Variants in CREB5 observed in about 807,000 individuals in gnomAD.
CREB5 encodes cAMP responsive element binding protein 5, also known as cyclic AMP-responsive element-binding protein 5.
Under a neutral mutation model 57.1 loss-of-function variants are expected in CREB5, and 19 were observed. The ratio of observed to expected loss-of-function variants is 0.33; its 90% CI spans 0.23 to 0.49. CREB5 has a LOEUF of 0.49. Among genes scored for constraint, CREB5 ranks in the 20% least tolerant of loss-of-function variants. The pLI is 0.99. For missense variants in CREB5, 579 were observed against 671.6 expected (o/e 0.86, Z 1.52); for synonymous variants, 238 against 238.3 (o/e 1.00, Z 0.01).
chr7:28,739,590 C>T (rs1804221605), intron 7 of CREB5, among the ~76,000 whole-genome samples: 1 of 152,202 alleles, frequency 6.6e-6, no homozygotes, highest in African/African-American at 2.4e-5. Context: ...AAAGAACTTA[C>T]ATTTTTATGG....
Position 28,488,257 on chromosome 7 carries a change from G to T in CREB5, c.75+11G>T. 6.2e-7 allele frequency: 1 copy of T among 1,612,894 alleles called. No homozygotes were observed. The highest frequency in any genetic ancestry group is 8.5e-7 in the Non-Finnish European group (1 of 1,179,388). On this transcript the variant is annotated intron_variant, in intron 2 of 10. Transcript: ENST00000357727. ...CCAGGCTGCTCCCAGGTGAGTGTGC[G>T]GATCCTCCCTGCTCTGACATGCAGG...
At chr7:28,557,993 G>A (rs1202635883) in intron 4 of CREB5, among the ~76,000 whole-genome samples, 1 of 152,222 alleles carries the variant, frequency 6.6e-6, no homozygotes, top group Admixed American at 6.5e-5. Context: ...AATTGATGAA[G>A]TTTGCTTTCA....
chr7:28,790,428 A>AAGAGAGAGAGAGAGAGAGAGAGAGAG (rs370615013), intron 7 of CREB5, among the ~76,000 whole-genome samples: 2 of 115,696 alleles, frequency 1.7e-5, no homozygotes, highest in African/African-American at 3.4e-5. Context: ...GAAAGAAAGA[A>AAGAGAGAGAGAGAGAGAGAGAGAGAG]AGAGAGAGAG....
intron 1 of CREB5, among the ~76,000 whole-genome samples, chr7:28,455,525 G>A (rs58491427): frequency 6.6e-6 from 1 of 152,240 alleles, no homozygotes; most frequent in African/African-American, 2.4e-5. Flanking sequence ...AATCCTCTAA[G>A]TATGTGGTAG....
At chr7:28,381,933 G>A (rs1786974811) in intron 1 of CREB5, among the ~76,000 whole-genome samples, 1 of 152,204 alleles carries the variant, frequency 6.6e-6, no homozygotes, top group African/African-American at 2.4e-5. Flanking sequence ...TGGCTCACTT[G>A]ATGACAAAGG....
chr7:28,790,194 T>C (rs1807582762), intron 7 of CREB5, among the ~76,000 whole-genome samples: 1 of 152,200 alleles, frequency 6.6e-6, no homozygotes, highest in Non-Finnish European at 1.5e-5. Flanking sequence ...CCAGGAAGGA[T>C]TTTAAGCTTC....
At chr7:28,435,327 A>T (rs981127669) in intron 1 of CREB5, among the ~76,000 whole-genome samples, 2 of 149,716 alleles carry the variant, frequency 1.3e-5, no homozygotes, top group Non-Finnish European at 1.5e-5. Context: ...AGGTTGTTTT[A>T]TATCCAGATG....
intron 2 of CREB5, among the ~76,000 whole-genome samples, chr7:28,490,674 C>T (rs1203888994): frequency 1.3e-5 from 2 of 152,204 alleles, no homozygotes; most frequent in Non-Finnish European, 2.9e-5. Context: ...CTGGCCTCTA[C>T]CCACTAGATC....
intron 5 of CREB5, among the ~76,000 whole-genome samples, chr7:28,709,687 A>C (rs1802306127): frequency 7.0e-6 from 1 of 143,204 alleles, no homozygotes; most frequent in African/African-American, 2.5e-5. Flanking sequence ...GGCTTTTATT[A>C]AAAAAAAAAA....
chr7:28,406,718 C>G (rs761504199), intron 1 of CREB5, among the ~76,000 whole-genome samples: 3 of 152,190 alleles, frequency 2.0e-5, no homozygotes, highest in Non-Finnish European at 1.5e-5. Flanking sequence ...GCAACTGCAG[C>G]CTCCATGAAA....
At chr7:28,781,185 A>C (rs146686405) in intron 7 of CREB5, among the ~76,000 whole-genome samples, 5 of 152,186 alleles carry the variant, frequency 3.3e-5, no homozygotes, top group African/African-American at 1.2e-4. Context: ...TAATGAATGA[A>C]GCCATTTGGA....
chr7:28,472,152 CA>C (rs751915630), intron 1 of CREB5, among the ~76,000 whole-genome samples: 1,540 of 63,086 alleles, frequency 0.024, 22 homozygotes, highest in African/African-American at 0.069. Flanking sequence ...ATAGTCAAAG[CA>C]AAAAAAAAAA....
intron 1 of CREB5, among the ~76,000 whole-genome samples, chr7:28,382,659 C>A (rs1786988691): frequency 6.6e-6 from 1 of 152,024 alleles, no homozygotes; most frequent in Admixed American, 6.6e-5. Context: ...AAGTATCGAT[C>A]CGTCAGCCCC....
chr7:28,649,502 AT>A (rs930284164), intron 5 of CREB5, among the ~76,000 whole-genome samples: 48 of 152,352 alleles, frequency 3.2e-4, no homozygotes, highest in African/African-American at 1.1e-3. Context: ...AATATTTACT[AT>A]CTGGCACTTT....
rs372082200 is a variant in CREB5, at chr7:28,644,985, C to T, written c.465-73768C>T. On this transcript the variant is annotated intron_variant, in intron 5 of 10. Transcript: ENST00000357727. Reference sequence around the variant, plus strand: ...AGATGGAAACTCTTGGCCAACAACGCGTACCTTGGCCAACTCTCTTTTCAG... The same window carrying T: ...AGATGGAAACTCTTGGCCAACAACGTGTACCTTGGCCAACTCTCTTTTCAG... 1.1e-4 allele frequency among the ~76,000 whole-genome samples: 16 copies of T among 152,218 alleles called. No individual in the cohort carries two copies. In the East Asian group the frequency reaches 1.9e-3, roughly 18 times the overall value.
chr7:28,682,886 C>T (rs2128725211), intron 5 of CREB5, among the ~76,000 whole-genome samples: 1 of 152,326 alleles, frequency 6.6e-6, no homozygotes, highest in South Asian at 2.1e-4. Flanking sequence ...CAAAAGCATT[C>T]TGAACTCTGA....
intron 1 of CREB5, among the ~76,000 whole-genome samples, chr7:28,453,534 C>T (rs553523871): frequency 8.9e-4 from 136 of 152,362 alleles, no homozygotes; most frequent in Admixed American, 2.7e-3. Flanking sequence ...TATGTTTCCT[C>T]TACATGAATG....
In CREB5 at chr7:28,819,072, G is replaced by T. The variant is rs1271213045; in HGVS notation, c.1364-44G>T. 2.5e-6 allele frequency: 4 copies of T among 1,574,758 alleles called. No homozygotes were observed. The African/African-American group carries it at 5.4e-5, about 21-fold the overall frequency. Reference sequence around the variant, plus strand: ...AGTCCATACAAAAAAGACCTATATTGGTGTGTGTGTATGTGTGTGTGTTGT... The same window carrying T: ...AGTCCATACAAAAAAGACCTATATTTGTGTGTGTGTATGTGTGTGTGTTGT... On this transcript the variant is annotated intron_variant, in intron 10 of 10. Coordinates refer to ENST00000357727, the MANE Select transcript of CREB5 (RefSeq NM_182898.4).
intron 1 of CREB5, among the ~76,000 whole-genome samples, chr7:28,384,766 A>G (rs970184660): frequency 6.6e-6 from 1 of 152,206 alleles, no homozygotes; most frequent in African/African-American, 2.4e-5. Flanking sequence ...AGGCCACTGC[A>G]GAAGTATTTA....
Sources: allele counts gnomAD v4.1 joint callset (sites outside exome capture counted in the v4.1 genomes callset), GRCh38; gene constraint gnomAD v4.1.1; transcripts MANE v1.5; gene names NCBI Gene and HGNC (gene_info 2026-07-23, HGNC 2026-07-21).